KLF8: variants seen among roughly 807,000 people sequenced by gnomAD.
KLF8 encodes Krueppel-like factor 8.
Under a neutral mutation model 18.2 loss-of-function variants are expected in KLF8, and 10 were observed. The ratio of observed to expected loss-of-function variants is 0.55; its 90% CI spans 0.34 to 0.93. The LOEUF is 0.93. Among genes scored for constraint, KLF8 ranks in the 40% least tolerant of loss-of-function variants. The pLI is 0.02. For synonymous variants in KLF8, 109 were observed against 97.3 expected, an observed-to-expected ratio of 1.12 and a Z score of -0.71; for missense variants, 264 against 277.9, an observed-to-expected ratio of 0.95 and a Z score of 0.36.
At chrX:55,952,443 G>A in the KLF8 span, among the ~76,000 whole-genome samples, 1 of 112,003 alleles carries the variant, frequency 8.9e-6, no homozygotes, top group Non-Finnish European at 1.9e-5. Context: ...CATTCTTTCT[G>A]ATGGCTCTAG....
At chrX:56,209,203 T>A in the KLF8 span, among the ~76,000 whole-genome samples, 6 of 112,346 alleles carry the variant, frequency 5.3e-5, no homozygotes, top group African/African-American at 1.9e-4. Context: ...TATCATTATA[T>A]ACTTACATTC....
chrX:56,156,971 C>T, the KLF8 span, among the ~76,000 whole-genome samples: 1 of 109,005 alleles, frequency 9.2e-6, no homozygotes, highest in Non-Finnish European at 1.9e-5. Flanking sequence ...ATAGCAAAGA[C>T]CTGGAATCAA....
At chrX:56,187,688 C>G in the KLF8 span, among the ~76,000 whole-genome samples, 1 of 110,768 alleles carries the variant, frequency 9.0e-6, no homozygotes, top group East Asian at 2.8e-4. Flanking sequence ...ATCAAGTGGG[C>G]TTCATCCCTG....
At chrX:56,216,563 A>T in the KLF8 span, among the ~76,000 whole-genome samples, 3 of 105,113 alleles carry the variant, frequency 2.9e-5, no homozygotes, top group Non-Finnish European at 5.9e-5. Flanking sequence ...TATTTTAGCA[A>T]CATCGTCTTG....
the KLF8 span, among the ~76,000 whole-genome samples, chrX:55,940,366 T>A: frequency 9.0e-6 from 1 of 111,620 alleles, no homozygotes; most frequent in Non-Finnish European, 1.9e-5. Context: ...TAGTTATTGA[T>A]GGGACGTATC....
chrX:56,169,394 G>A, the KLF8 span, among the ~76,000 whole-genome samples: 28 of 111,398 alleles, frequency 2.5e-4, no homozygotes, highest in African/African-American at 8.1e-4. Context: ...GTTTGCTCTT[G>A]GGGTCCTTGA....
the KLF8 span, among the ~76,000 whole-genome samples, chrX:56,143,177 C>T: frequency 4.5e-5 from 5 of 111,265 alleles, no homozygotes; most frequent in African/African-American, 1.6e-4. Context: ...CTCACTGTTC[C>T]TGGAATGTAA....
the KLF8 span, among the ~76,000 whole-genome samples, chrX:56,179,146 T>C: frequency 8.9e-6 from 1 of 112,326 alleles, no homozygotes; most frequent in South Asian, 3.7e-4. Context: ...TTCCATTTGT[T>C]TGTGCCCTCT....
chrX:56,156,224 A>G, the KLF8 span, among the ~76,000 whole-genome samples: 2 of 112,168 alleles, frequency 1.8e-5, no homozygotes, highest in African/African-American at 3.2e-5. Flanking sequence ...GAAAAGCAGC[A>G]ATTTCTTTTT....
At chrX:56,184,526 C>T in the KLF8 span, among the ~76,000 whole-genome samples, 1 of 112,284 alleles carries the variant, frequency 8.9e-6, no homozygotes, top group Non-Finnish European at 1.9e-5. Flanking sequence ...AGCAGTGGTT[C>T]TCCCAACACG....
the KLF8 span, among the ~76,000 whole-genome samples, chrX:56,035,940 A>T: frequency 5.4e-5 from 6 of 111,425 alleles, no homozygotes; most frequent in Non-Finnish European, 1.1e-4. Context: ...CACTTTGTTG[A>T]TTGTTTCATT....
At chrX:56,215,859 A>G in the KLF8 span, among the ~76,000 whole-genome samples, 118 of 98,086 alleles carry the variant, frequency 1.2e-3, no homozygotes, top group South Asian at 4.3e-3. Flanking sequence ...AAAAAAAAAA[A>G]AAAAGAAAAG....
chrX:56,219,131 T>C, the KLF8 span, among the ~76,000 whole-genome samples: 1 of 112,054 alleles, frequency 8.9e-6, no homozygotes, highest in Non-Finnish European at 1.9e-5. Context: ...AGTCCAATCA[T>C]AGGCTCCACG....
the KLF8 span, among the ~76,000 whole-genome samples, chrX:55,957,198 C>T: frequency 9.0e-6 from 1 of 111,281 alleles, no homozygotes; most frequent in East Asian, 2.8e-4. Flanking sequence ...ATCGTTTAAC[C>T]ATATATGTAA....
At chrX:56,176,212 A>C in the KLF8 span, among the ~76,000 whole-genome samples, 1 of 111,724 alleles carries the variant, frequency 9.0e-6, no homozygotes, top group South Asian at 3.7e-4. Flanking sequence ...GGTCTTTACA[A>C]TTTGGCATGT....
chrX:56,096,687 A>G, the KLF8 span, among the ~76,000 whole-genome samples: 3 of 111,417 alleles, frequency 2.7e-5, no homozygotes, highest in African/African-American at 9.7e-5. Context: ...TGTAAACAGG[A>G]AAACAATAGG....
At chrX:56,154,662 C>A in the KLF8 span, among the ~76,000 whole-genome samples, 1 of 111,893 alleles carries the variant, frequency 8.9e-6, no homozygotes, top group Non-Finnish European at 1.9e-5. Flanking sequence ...TCAGAGTGAA[C>A]AGGCAACCTA....
the KLF8 span, among the ~76,000 whole-genome samples, chrX:55,917,885 A>G: frequency 8.9e-6 from 1 of 111,988 alleles, no homozygotes; most frequent in Non-Finnish European, 1.9e-5. Context: ...TTAACTAAAT[A>G]ACTTGCTTTC....
At chrX:55,959,220 A>G in the KLF8 span, among the ~76,000 whole-genome samples, 1 of 112,231 alleles carries the variant, frequency 8.9e-6, no homozygotes, top group Non-Finnish European at 1.9e-5. Flanking sequence ...ATTATACCAC[A>G]TTCAAACCCT....
Sources: gnomAD v4.1 joint callset for allele counts (sites outside exome capture counted in the v4.1 genomes callset) on GRCh38, gnomAD v4.1.1 for gene constraint, MANE v1.5 for transcripts, NCBI Gene and HGNC (gene_info 2026-07-23, HGNC 2026-07-21) for gene names.